TCEA3: variants seen among roughly 807,000 people sequenced by gnomAD.
TCEA3 encodes the protein transcription elongation factor A protein 3.
A neutral mutation model predicts 44.0 loss-of-function variants in TCEA3; 36 were observed. That is an observed-to-expected ratio of 0.82 (90% CI 0.63 to 1.08). The LOEUF is 1.08. Among genes scored for constraint, TCEA3 ranks in the 50% least tolerant of loss-of-function variants. The probability of loss-of-function intolerance (pLI) is 0.00; values close to 1 mark genes in which losing one functional copy is unlikely to be tolerated. For missense variants in TCEA3, 392 were observed against 441.2 expected, an observed-to-expected ratio of 0.89 and a Z score of 1.00; for synonymous variants, 162 against 159.7, an observed-to-expected ratio of 1.01 and a Z score of -0.11.
intron 4 of TCEA3, 143 bp downstream of exon 4, chr1:23,417,106 A>G: frequency 1.0e-6 from 1 of 1,004,470 alleles, no homozygotes; most frequent in Non-Finnish European, 1.4e-6. Flanking sequence ...GCCAAAGAAG[A>G]CCCCCAGAGG....
intron 1 of TCEA3, among the ~76,000 whole-genome samples, chr1:23,420,417 A>G (rs1640026705): frequency 6.6e-6 from 1 of 152,080 alleles, no homozygotes; most frequent in African/African-American, 2.4e-5. Flanking sequence ...AATTTTTTGC[A>G]TTGTTTCGTA....
intron 7 of TCEA3, among the ~76,000 whole-genome samples, chr1:23,396,232 C>T (rs1013457533): frequency 6.6e-6 from 1 of 152,088 alleles, no homozygotes; most frequent in Admixed American, 6.5e-5. Flanking sequence ...TGCTGAACTC[C>T]GCAGGTAGAA....
intron 7 of TCEA3, 63 bp downstream of exon 7, chr1:23,397,482 C>A: frequency 6.6e-7 from 1 of 1,516,420 alleles, no homozygotes; most frequent in Non-Finnish European, 9.1e-7. Context: ...AGCTCGCTTG[C>A]ACCTTGGATG....
intron 4 of TCEA3, among the ~76,000 whole-genome samples, chr1:23,416,273 T>G (rs1639886840): frequency 6.6e-6 from 1 of 152,276 alleles, no homozygotes; most frequent in East Asian, 1.9e-4. Flanking sequence ...CCCAAAGTGC[T>G]GGGATTACAG....
In TCEA3 at chr1:23,424,716, G is replaced by A. The variant is rs1249575194; in HGVS notation, c.-83C>T. 5.6e-6 allele frequency: 6 copies of A among 1,064,054 alleles called. No individual in the cohort carries two copies. The highest frequency in any genetic ancestry group is 1.4e-5 in the South Asian group (1 of 70,810). The allele number at this position is 1,064,054 out of a possible 1,614,324, so 65.9% of individuals were successfully genotyped here. A position where few individuals can be genotyped will look rare whatever the true frequency, so the allele number is the denominator to read the frequency against. On this transcript the variant is annotated 5_prime_UTR_variant, in exon 1 of 11. Coordinates refer to ENST00000450454, the MANE Select transcript of TCEA3 (RefSeq NM_003196.3). Reference sequence around the variant, plus strand: ...GGCAGGAGGCGCGAAGGCGGAGGGCGCGCAACCCGCGCGGGCCCCAAACAC... The same window carrying A: ...GGCAGGAGGCGCGAAGGCGGAGGGCACGCAACCCGCGCGGGCCCCAAACAC...
At chr1:23,405,916 C>G (rs1019719378) in intron 5 of TCEA3, among the ~76,000 whole-genome samples, 1 of 152,186 alleles carries the variant, frequency 6.6e-6, no homozygotes, top group Non-Finnish European at 1.5e-5. Flanking sequence ...GTCCTTCACT[C>G]TCCGGGGCAC....
intron 6 of TCEA3, 94 bp downstream of exon 6, chr1:23,397,698 T>G: frequency 1.9e-6 from 3 of 1,607,012 alleles, no homozygotes; most frequent in Non-Finnish European, 2.6e-6. Flanking sequence ...TACCATCCCT[T>G]GGGGTGCTGA....
rs577310230 is a variant in TCEA3, at chr1:23,397,539, G to A, written c.664+6C>T. ...CACCCACAGCCCCGGCACAGTTCAA[G>A]GATATGATCTTCGATTTCTGATGCC... On this transcript the variant is annotated splice_donor_region_variant and intron_variant, in intron 7 of 10. Transcript: ENST00000450454. 1.0e-4 allele frequency: 161 copies of A among 1,613,634 alleles called. 2 individuals carry two copies. In the East Asian group the frequency reaches 2.5e-3, roughly 25 times the overall value.
intron 9 of TCEA3, among the ~76,000 whole-genome samples, chr1:23,385,499 C>T (rs961200178): frequency 6.6e-5 from 10 of 152,346 alleles, no homozygotes; most frequent in East Asian, 3.9e-4. Flanking sequence ...CAAACATCTC[C>T]GGATTCCAGA....
At chr1:23,423,822 A>G in intron 1 of TCEA3, 1 of 456,022 alleles carries the variant, frequency 2.2e-6, no homozygotes, top group Non-Finnish European at 4.4e-6. Context: ...CGCTCTGGCC[A>G]GGACCCTCCG....
intron 5 of TCEA3, among the ~76,000 whole-genome samples, chr1:23,408,362 C>T (rs1016368061): frequency 1.3e-5 from 2 of 152,168 alleles, no homozygotes; most frequent in African/African-American, 4.8e-5. Flanking sequence ...TCAGCCACCC[C>T]AGGGAAGGAG....
chr1:23,383,370 T>C lies in TCEA3; in HGVS notation c.1038+976A>G, dbSNP rs141052290. 202 of 899,296 alleles carry C rather than the reference T, an allele frequency of 2.2e-4. 3 individuals carry two copies. In the East Asian group the frequency reaches 0.019, roughly 82 times the overall value. 55.7% of individuals were successfully genotyped at this position (899,296 alleles called of 1,614,324 possible). On this transcript the variant is annotated intron_variant, in intron 10 of 10. Transcript: ENST00000450454. ...AAACTGTGGCTTTATGCTTATTAACTATTTCTGTATTTCAATTTCCTTGTC... is the reference window on the plus strand; with the variant it reads ...AAACTGTGGCTTTATGCTTATTAACCATTTCTGTATTTCAATTTCCTTGTC...
intron 1 of TCEA3, among the ~76,000 whole-genome samples, chr1:23,423,146 G>C (rs555616156): frequency 6.6e-6 from 1 of 152,170 alleles, no homozygotes; most frequent in Non-Finnish European, 1.5e-5. Context: ...AGTCTGGAAC[G>C]GGGAGTGCAT....
intron 4 of TCEA3, among the ~76,000 whole-genome samples, chr1:23,415,566 G>A (rs1639865654): frequency 6.6e-6 from 1 of 152,138 alleles, no homozygotes; most frequent in South Asian, 2.1e-4. Flanking sequence ...TCCAGACATG[G>A]CCAGACCAGC....
At chr1:23,403,867 A>AGCTG (rs1046066176) in intron 5 of TCEA3, 10 of 521,990 alleles carry the variant, frequency 1.9e-5, no homozygotes, top group South Asian at 1.2e-4. Flanking sequence ...CCCGGTTAGG[A>AGCTG]GCTGGCTGGC....
chr1:23,415,458 C>T (rs1231226808), intron 4 of TCEA3, among the ~76,000 whole-genome samples: 1 of 152,214 alleles, frequency 6.6e-6, no homozygotes, highest in Non-Finnish European at 1.5e-5. Flanking sequence ...TTTGGTCCCT[C>T]CCCAGTAGTT....
At chr1:23,400,090 G>A (rs72661441) in intron 5 of TCEA3, among the ~76,000 whole-genome samples, 2,451 of 152,348 alleles carry the variant, frequency 0.016, 28 homozygotes, top group Non-Finnish European at 0.026. Flanking sequence ...TTGTAAGAAG[G>A]AGAGGGAGTT....
At position 23,389,662 on chromosome 1, in the gene TCEA3, CAA is replaced by C. The variant is rs558856894; in HGVS notation, c.820-2245_820-2244del. 1.6e-4 allele frequency among the ~76,000 whole-genome samples: 25 copies of C among 152,178 alleles called. No individual in the cohort carries two copies. In the East Asian group the frequency reaches 4.8e-3, roughly 29 times the overall value. ...GAGACTCCGTCTCAAAAAACAAAAA[CAA>C]AATCTATTGGATGCCAATTTACTGA... On this transcript the variant is annotated intron_variant, in intron 8 of 10. Transcript: ENST00000450454.
intron 1 of TCEA3, among the ~76,000 whole-genome samples, chr1:23,423,434 C>A (rs1230696256): frequency 1.3e-5 from 2 of 152,206 alleles, no homozygotes; most frequent in African/African-American, 4.8e-5. Context: ...TTTATATGGA[C>A]ACCAACTCAT....
Sources: gnomAD v4.1 joint callset for allele counts (sites outside exome capture counted in the v4.1 genomes callset) on GRCh38, gnomAD v4.1.1 for gene constraint, MANE v1.5 for transcripts, NCBI Gene and HGNC (gene_info 2026-07-23, HGNC 2026-07-21) for gene names.